The following MYO16 variants were observed in gnomAD, a reference collection of about 807,000 sequenced individuals.
The protein encoded by MYO16 is unconventional myosin-XVI.
In MYO16, 94 loss-of-function variants were observed where a neutral mutation model predicts 205.3. That is an observed-to-expected ratio of 0.46 (90% CI 0.39 to 0.54). MYO16 has a LOEUF of 0.54. MYO16 is among the 20% of genes least tolerant of loss of function. The pLI, the probability that MYO16 is intolerant of heterozygous loss-of-function variation, is 0.00. For synonymous variants in MYO16, 988 were observed against 954.0 expected, an observed-to-expected ratio of 1.04 and a Z score of -0.66; for missense variants, 2,315 against 2,387.5, an observed-to-expected ratio of 0.97 and a Z score of 0.63.
At chr13:108,960,968 T>G (rs1306386655) in intron 17 of MYO16, among the ~76,000 whole-genome samples, 1 of 152,198 alleles carries the variant, frequency 6.6e-6, no homozygotes, top group Non-Finnish European at 1.5e-5. Context: ...AAAAAACAAT[T>G]AGCATTTTTT....
intron 21 of MYO16, among the ~76,000 whole-genome samples, chr13:108,997,932 A>G (rs1239275693): frequency 6.6e-6 from 1 of 152,230 alleles, no homozygotes; most frequent in Non-Finnish European, 1.5e-5. Context: ...AATTCAAATC[A>G]TTTCCCTGCT....
At chr13:108,973,893 T>C (rs889477019) in intron 20 of MYO16, among the ~76,000 whole-genome samples, 1 of 152,072 alleles carries the variant, frequency 6.6e-6, no homozygotes, top group African/African-American at 2.4e-5. Context: ...GGAAAAATAT[T>C]CCATATAGAG....
intron 27 of MYO16, among the ~76,000 whole-genome samples, chr13:109,093,787 A>G (rs1888693229): frequency 6.6e-6 from 1 of 152,056 alleles, no homozygotes; most frequent in Non-Finnish European, 1.5e-5. Context: ...CACCTGGACT[A>G]TAGGAAGGTC....
intron 21 of MYO16, among the ~76,000 whole-genome samples, chr13:109,004,901 G>T (rs936880591): frequency 1.3e-5 from 2 of 152,312 alleles, no homozygotes; most frequent in African/African-American, 4.8e-5. Context: ...AAAATTAAAT[G>T]TTTTATATGG....
chr13:108,919,129 G>A (rs867939288), intron 16 of MYO16, among the ~76,000 whole-genome samples: 1 of 152,140 alleles, frequency 6.6e-6, no homozygotes, highest in African/African-American at 2.4e-5. Flanking sequence ...CTATTTGAGC[G>A]AGGCCGTCTT....
chr13:108,672,647 A>C (rs1320482447), intron 2 of MYO16, among the ~76,000 whole-genome samples: 2 of 152,144 alleles, frequency 1.3e-5, no homozygotes, highest in African/African-American at 4.8e-5. Flanking sequence ...TGCTGCATCA[A>C]TCTAAAATGT....
At chr13:109,104,685 C>T (rs952952436) in intron 28 of MYO16, among the ~76,000 whole-genome samples, 2 of 152,100 alleles carry the variant, frequency 1.3e-5, no homozygotes, top group African/African-American at 2.4e-5. Context: ...AACTCATAGG[C>T]GGTGCTGGTG....
At chr13:108,759,370 G>T (rs1885521729) in intron 4 of MYO16, among the ~76,000 whole-genome samples, 1 of 152,048 alleles carries the variant, frequency 6.6e-6, no homozygotes, top group South Asian at 2.1e-4. Flanking sequence ...CTGTACTTTT[G>T]GTATTTTGTC....
Position 108,682,063 on chromosome 13 carries a change from C to T in MYO16, c.292+15914C>T, listed in dbSNP as rs113767935. Among the ~76,000 whole-genome samples, 586 of 152,314 alleles carry T rather than the reference C, an allele frequency of 3.8e-3. 1 individual carries two copies. Among genetic ancestry groups the T allele is most frequent in the Admixed American group, 6.4e-3 (98 of 15,304 alleles). On this transcript the variant is annotated intron_variant, in intron 2 of 34. Transcript: ENST00000457511. ...GCCAGGAATCTGTTTCAGTAACCCCCACCACGCTCCAATTTGAGTTAGATT... is the reference window on the plus strand; with the variant it reads ...GCCAGGAATCTGTTTCAGTAACCCCTACCACGCTCCAATTTGAGTTAGATT...
intron 7 of MYO16, among the ~76,000 whole-genome samples, chr13:108,810,463 AAAC>A (rs1180246881): frequency 1.3e-5 from 2 of 152,252 alleles, no homozygotes; most frequent in African/African-American, 4.8e-5. Context: ...CAGACTGAAA[AAAC>A]AACTGGAGAT....
At chr13:108,840,444 T>TCTTGCTATGTCAAC (rs1222627200) in intron 9 of MYO16, among the ~76,000 whole-genome samples, 15 of 152,324 alleles carry the variant, frequency 9.8e-5, no homozygotes, top group African/African-American at 3.6e-4. Context: ...TTTACTCTCT[T>TCTTGCTATGTCAAC]CTTGCTATGT....
chr13:109,118,089 T>A (rs2139755457), intron 28 of MYO16, among the ~76,000 whole-genome samples: 1 of 152,290 alleles, frequency 6.6e-6, no homozygotes, highest in South Asian at 2.1e-4. Context: ...CAAGATGCCC[T>A]GGGAAATTCC....
chr13:108,741,727 T>C (rs569835205), intron 4 of MYO16, among the ~76,000 whole-genome samples: 2 of 152,158 alleles, frequency 1.3e-5, no homozygotes, highest in Admixed American at 1.3e-4. Context: ...ATCAACTGTA[T>C]TTATTATTAA....
At chr13:109,102,729 G>A (rs1008044345) in intron 28 of MYO16, among the ~76,000 whole-genome samples, 10 of 152,230 alleles carry the variant, frequency 6.6e-5, no homozygotes, top group East Asian at 1.9e-4. Flanking sequence ...GGTAAGCCCT[G>A]CCAGCCATCA....
chr13:108,782,759 G>T (rs895350956), intron 4 of MYO16, among the ~76,000 whole-genome samples: 7 of 152,128 alleles, frequency 4.6e-5, no homozygotes, highest in Admixed American at 4.6e-4. Flanking sequence ...AGCCATGGTT[G>T]AATGGGGCCA....
At chr13:108,766,030 T>A (rs1885766936) in intron 4 of MYO16, among the ~76,000 whole-genome samples, 1 of 152,226 alleles carries the variant, frequency 6.6e-6, no homozygotes, top group South Asian at 2.1e-4. Context: ...TTATTATGGA[T>A]AAAATTATTA....
chr13:108,547,613 A>T, the MYO16 span, among the ~76,000 whole-genome samples: 5 of 152,234 alleles, frequency 3.3e-5, no homozygotes, highest in African/African-American at 1.2e-4. Context: ...GCTATTTCTA[A>T]GTGCAACATA....
intron 15 of MYO16, 147 bp from the exon 16 acceptor site, chr13:108,909,855 CA>C (rs1881174527): frequency 1.2e-6 from 1 of 853,202 alleles, no homozygotes; most frequent in African/African-American, 1.7e-5. Context: ...CTAGCTAATG[CA>C]AAAAGACAAT....
chr13:108,990,432 C>T (rs1274726094), intron 20 of MYO16, among the ~76,000 whole-genome samples: 1 of 152,088 alleles, frequency 6.6e-6, no homozygotes, highest in African/African-American at 2.4e-5. Context: ...ATTTATATTA[C>T]TTATCCTGCA....
Sources: allele counts gnomAD v4.1 joint callset (sites outside exome capture counted in the v4.1 genomes callset), GRCh38; gene constraint gnomAD v4.1.1; transcripts MANE v1.5; gene names NCBI Gene and HGNC (gene_info 2026-07-23, HGNC 2026-07-21).